Variants in FOXP4 observed in about 807,000 individuals in gnomAD.
FOXP4 encodes forkhead box P4, also known as forkhead box protein P4.
In FOXP4, 25 loss-of-function variants were observed where a neutral mutation model predicts 82.6. The observed-to-expected ratio is 0.30, with a 90% confidence interval of 0.22 to 0.42. The LOEUF (loss-of-function observed/expected upper bound fraction) is 0.42. FOXP4 is among the 10% of genes least tolerant of loss of function. The probability of loss-of-function intolerance (pLI) is 1.00; values close to 1 mark genes in which losing one functional copy is unlikely to be tolerated. For synonymous variants in FOXP4, 415 were observed against 388.2 expected, an observed-to-expected ratio of 1.07 and a Z score of -0.81; for missense variants, 785 against 900.9, an observed-to-expected ratio of 0.87 and a Z score of 1.65.
chr6:41,595,015 G>A (rs1766743084), intron 14 of FOXP4, 24 bp downstream of exon 14: 3 of 1,613,458 alleles, frequency 1.9e-6, no homozygotes, highest in South Asian at 1.1e-5. Flanking sequence ...GAGCTGGATG[G>A]GCTGTACCTG....
intron 5 of FOXP4, 21 bp from the exon 6 acceptor site, chr6:41,586,987 GC>G: frequency 2.6e-6 from 4 of 1,556,622 alleles, no homozygotes; most frequent in Non-Finnish European, 3.5e-6. Flanking sequence ...CTCTCTGCCC[GC>G]CCCCTCGGGC....
chr6:41,563,202 G>C (rs556541532), intron 1 of FOXP4, among the ~76,000 whole-genome samples: 73 of 152,346 alleles, frequency 4.8e-4, no homozygotes, highest in African/African-American at 1.6e-3. Flanking sequence ...CACAGATGAA[G>C]AGGGGCCACA....
chr6:41,588,285 C>T (rs974492723), intron 8 of FOXP4, among the ~76,000 whole-genome samples: 5 of 152,244 alleles, frequency 3.3e-5, no homozygotes, highest in Admixed American at 6.5e-5. Flanking sequence ...TGGCAGCAGG[C>T]GGCCAGCTGC....
Position 41,558,224 on chromosome 6 carries a change from A to G in FOXP4, c.-16-7521A>G, listed in dbSNP as rs1330303062. Among the ~76,000 whole-genome samples, 3 of 152,164 alleles carry G rather than the reference A, an allele frequency of 2.0e-5. No homozygotes were observed. The highest frequency in any genetic ancestry group is 7.2e-5 in the African/African-American group (3 of 41,432). ...AGAGCCCCATGTGTTTGGGGAGAGA[A>G]ACTGCTGGCACGATCAGGGAGCCAA... On this transcript the variant is annotated intron_variant, in intron 1 of 16. Transcript: ENST00000307972. This position sits in a 1 kb window ranked among gnomAD's most constrained non-coding sequence, Gnocchi z 4.0.
At position 41,587,815 on chromosome 6, in the gene FOXP4, G is replaced by A. The variant is rs200034711; in HGVS notation, c.895G>A (p.Gly299Ser). 1.9e-5 allele frequency: 29 copies of A among 1,567,424 alleles called. No homozygotes were observed. The Admixed American group carries it at 2.8e-4, about 15-fold the overall frequency. Residue 299 changes from glycine (G) to serine (S), a missense_variant, in exon 8 of 17, where the codon GGC (glycine) becomes AGC (serine). Gly to Ser is a moderately conservative substitution (Grantham distance 56). Around this residue, in one of 3 missense-constraint regions of FOXP4, gnomAD observed 570 missense variants for 634.0 expected, o/e 0.90. Transcript: ENST00000307972. ...CAGCTCTTCCCACGAGGAGACCCCC[G>A]GCTCCCACCCCCTGTACGGACACGG... Reference protein sequence around the residue: ...RDSSSHEETPGSHPLYGHGEC... With the variant: ...RDSSSHEETPSSHPLYGHGEC...
chr6:41,586,689 C>T (rs1344439949), intron 5 of FOXP4, among the ~76,000 whole-genome samples: 1 of 152,238 alleles, frequency 6.6e-6, no homozygotes, highest in African/African-American at 2.4e-5. Context: ...CACCCCCAGG[C>T]GTGCACAGCT....
At position 41,546,577 on chromosome 6, in the gene FOXP4, T is replaced by TCCGGGAGC. The variant is rs1457278177; in HGVS notation, c.-297_-290dup. The TCCGGGAGC allele has an allele frequency of 2.0e-5, 3 of 146,974 alleles. No homozygotes were observed. Among genetic ancestry groups the TCCGGGAGC allele is most frequent in the Non-Finnish European group, 3.0e-5 (2 of 65,964 alleles). The allele number at this position is 146,974 out of a possible 1,614,324, so 9.1% of individuals were successfully genotyped here. A position where few individuals can be genotyped will look rare whatever the true frequency, so the allele number is the denominator to read the frequency against. ...TGGGCCGGGGGCGGGGACGCCGGGG[T>TCCGGGAGC]CCGGGAGCCCGGGAGCCGGAGCGAG... On this transcript the variant is annotated 5_prime_UTR_variant, in exon 1 of 17. Transcript: ENST00000307972.
intron 9 of FOXP4, 114 bp from the exon 10 acceptor site, chr6:41,589,657 C>A: frequency 9.5e-7 from 1 of 1,055,262 alleles, no homozygotes; most frequent in Non-Finnish European, 1.4e-6. Flanking sequence ...GGCAAGGAGG[C>A]GAATGGGGGT....
intron 4 of FOXP4, 143 bp downstream of exon 4, chr6:41,585,034 G>A: frequency 8.2e-7 from 1 of 1,216,130 alleles, no homozygotes. Flanking sequence ...TTCCTCTAGG[G>A]TAGTGGGGAG....
intron 4 of FOXP4, 54 bp downstream of exon 4, chr6:41,584,945 TC>T: frequency 6.5e-7 from 1 of 1,540,832 alleles, no homozygotes; most frequent in Non-Finnish European, 8.7e-7. Context: ...GCCTGGCTCC[TC>T]CCACCCTGTT....
At chr6:41,578,990 G>C (rs1239322825) in intron 3 of FOXP4, among the ~76,000 whole-genome samples, 2 of 152,122 alleles carry the variant, frequency 1.3e-5, no homozygotes, top group Non-Finnish European at 2.9e-5. Flanking sequence ...TGGAGTCTGG[G>C]GCTGGGTGCT....
At chr6:41,594,750 T>C in intron 13 of FOXP4, 120 bp from the exon 14 acceptor site, 1 of 1,464,962 alleles carries the variant, frequency 6.8e-7, no homozygotes, top group African/African-American at 1.4e-5. Flanking sequence ...CCTCCCCTGC[T>C]CATCCCTGAG....
In FOXP4 at chr6:41,597,968, A is replaced by AGC; in HGVS notation, c.1895+18_1895+19insGC. The AGC allele has an allele frequency of 6.9e-7, 1 of 1,457,148 alleles. No homozygotes were observed. Among genetic ancestry groups the AGC allele is most frequent in the Non-Finnish European group, 9.1e-7 (1 of 1,102,948 alleles). 90.3% of individuals were successfully genotyped at this position (1,457,148 alleles called of 1,614,324 possible). ...CAGTACAGGTGAGCACACAGCACGG[A>AGC]CCCCCACCCACCCCAGCACCCCTCA... On this transcript the variant is annotated intron_variant, in intron 16 of 16. Transcript: ENST00000307972.
At chr6:41,554,023 A>G (rs941688432) in intron 1 of FOXP4, among the ~76,000 whole-genome samples, 1 of 152,180 alleles carries the variant, frequency 6.6e-6, no homozygotes, top group Non-Finnish European at 1.5e-5. Flanking sequence ...TGTGGCAGGT[A>G]GAGCTAGGTA....
intron 3 of FOXP4, among the ~76,000 whole-genome samples, chr6:41,584,127 C>T (rs1369690517): frequency 6.6e-6 from 1 of 152,234 alleles, no homozygotes; most frequent in African/African-American, 2.4e-5. Context: ...CATGCACACA[C>T]ATTAGGACCA....
intron 13 of FOXP4, among the ~76,000 whole-genome samples, chr6:41,594,093 G>C (rs1488562265): frequency 1.3e-5 from 2 of 152,146 alleles, no homozygotes; most frequent in Non-Finnish European, 2.9e-5. Flanking sequence ...TGGTGGTGAG[G>C]GGGGAATTGG....
chr6:41,598,704 C>T, intron 16 of FOXP4, 85 bp from the exon 17 acceptor site: 1 of 1,541,982 alleles, frequency 6.5e-7, no homozygotes, highest in Admixed American at 2.0e-5. Context: ...CACTGTGCCC[C>T]AGAGTTCTGG....
intron 3 of FOXP4, 43 bp from the exon 4 acceptor site, chr6:41,584,726 G>A (rs1765997043): frequency 6.5e-7 from 1 of 1,532,424 alleles, no homozygotes; most frequent in East Asian, 2.4e-5. Flanking sequence ...CCTCCTCCTG[G>A]GTTGGGGTCC....
intron 1 of FOXP4, among the ~76,000 whole-genome samples, chr6:41,553,410 TCTC>T (rs1764107515): frequency 6.6e-6 from 1 of 152,150 alleles, no homozygotes; most frequent in South Asian, 2.1e-4. Flanking sequence ...AGGGCAGCCT[TCTC>T]CTCCCCCATT....
Sources: allele counts gnomAD v4.1 joint callset (sites outside exome capture counted in the v4.1 genomes callset), GRCh38; gene constraint gnomAD v4.1.1; regional missense constraint gnomAD v4.1.1; non-coding constraint Gnocchi (gnomAD v3.1); transcripts MANE v1.5; gene names NCBI Gene and HGNC (gene_info 2026-07-23, HGNC 2026-07-21).